CTNND2: variants seen among roughly 807,000 people sequenced by gnomAD.
CTNND2 encodes catenin delta-2.
Under a neutral mutation model 144.4 loss-of-function variants are expected in CTNND2, and 22 were observed. That is an observed-to-expected ratio of 0.15 (90% confidence interval 0.11 to 0.22). The LOEUF is 0.22. Ranked by LOEUF, CTNND2 falls within the 10% of genes least tolerant of loss-of-function variation. The pLI, the probability that CTNND2 is intolerant of heterozygous loss-of-function variation, is 1.00. For missense variants in CTNND2, 1,353 were observed against 1,618.8 expected, an observed-to-expected ratio of 0.84 and a Z score of 2.82; for synonymous variants, 751 against 695.6, an observed-to-expected ratio of 1.08 and a Z score of -1.25.
At chr5:11,883,231 T>C (rs956395721) in intron 1 of CTNND2, among the ~76,000 whole-genome samples, 1 of 152,184 alleles carries the variant, frequency 6.6e-6, no homozygotes, top group African/African-American at 2.4e-5. Flanking sequence ...GTGCAGAATG[T>C]GCAGGTTAGT....
chr5:11,748,212 A>C (rs1011823966), intron 1 of CTNND2, among the ~76,000 whole-genome samples: 5 of 152,256 alleles, frequency 3.3e-5, no homozygotes, highest in Middle Eastern at 3.4e-3. Flanking sequence ...ATAGAGCCAT[A>C]ATAATTTTAT....
At position 11,518,333 on chromosome 5, in the gene CTNND2, A is replaced by ATTTG. The variant is rs553466245; in HGVS notation, c.287+46607_287+46610dup. On this transcript the variant is annotated intron_variant, in intron 3 of 21. Coordinates refer to ENST00000304623, the MANE Select transcript of CTNND2 (RefSeq NM_001332.4). The stretch of plus-strand genomic sequence containing the variant: ...AGAAATATTTTTGTACAGCTGTACA[A>ATTTG]TTTGTGTTTTAAGCCAAGTGCTATT... Among the ~76,000 whole-genome samples the ATTTG allele has an allele frequency of 2.3e-3, 343 of 152,344 alleles. 2 individuals are homozygous for ATTTG. Among genetic ancestry groups the ATTTG allele is most frequent in the African/African-American group, 7.8e-3 (326 of 41,592 alleles).
chr5:11,218,837 A>G (rs1009317766), intron 10 of CTNND2, among the ~76,000 whole-genome samples: 2 of 152,088 alleles, frequency 1.3e-5, no homozygotes, highest in African/African-American at 2.4e-5. Flanking sequence ...TTCCCAGAAA[A>G]TCCATCTTGT....
chr5:11,363,905 C>T (rs546876481), intron 8 of CTNND2, among the ~76,000 whole-genome samples: 2 of 152,326 alleles, frequency 1.3e-5, no homozygotes, highest in East Asian at 3.9e-4. Flanking sequence ...GCTGTACTGT[C>T]TGCAGACCAG....
At chr5:11,654,989 T>C (rs1782836251) in intron 2 of CTNND2, among the ~76,000 whole-genome samples, 2 of 152,164 alleles carry the variant, frequency 1.3e-5, no homozygotes, top group Non-Finnish European at 2.9e-5. Flanking sequence ...AGATAAAAAA[T>C]TGTCAACGGT....
At chr5:11,110,300 C>G (rs1448987987) in intron 14 of CTNND2, among the ~76,000 whole-genome samples, 1 of 152,224 alleles carries the variant, frequency 6.6e-6, no homozygotes, top group Non-Finnish European at 1.5e-5. Flanking sequence ...CAACATTGTT[C>G]TGAATTCACC....
At chr5:11,112,433 G>A (rs1345020088) in intron 13 of CTNND2, among the ~76,000 whole-genome samples, 3 of 152,120 alleles carry the variant, frequency 2.0e-5, no homozygotes, top group Non-Finnish European at 4.4e-5. Flanking sequence ...AATAGGGAAG[G>A]GAACAAATTC....
At position 11,868,028 on chromosome 5, in the gene CTNND2, G is replaced by A. The variant is rs943934051; in HGVS notation, c.37+35789C>T. On this transcript the variant is annotated intron_variant, in intron 1 of 21. Coordinates refer to ENST00000304623, the MANE Select transcript of CTNND2 (RefSeq NM_001332.4). ...AGATAAACCCCTGATGGCGAAGCAG[G>A]GGCAGGATAGACAGAGTCCCCAGGT... Among the ~76,000 whole-genome samples the A allele has an allele frequency of 4.6e-5, 7 of 151,734 alleles. No homozygotes were observed. In the East Asian group the frequency reaches 1.2e-3, roughly 25 times the overall value.
intron 12 of CTNND2, among the ~76,000 whole-genome samples, chr5:11,130,829 A>G (rs1356087017): frequency 6.6e-6 from 1 of 151,888 alleles, no homozygotes; most frequent in African/African-American, 2.4e-5. Context: ...TATTCTACCA[A>G]CTCCCACAAT....
intron 3 of CTNND2, among the ~76,000 whole-genome samples, chr5:11,540,333 G>A (rs1470869574): frequency 1.3e-5 from 2 of 152,082 alleles, no homozygotes; most frequent in African/African-American, 4.8e-5. Flanking sequence ...TGTGAAGCAT[G>A]TGCCCTCCTG....
intron 16 of CTNND2, among the ~76,000 whole-genome samples, chr5:11,067,479 A>G (rs924660634): frequency 1.3e-5 from 2 of 152,232 alleles, no homozygotes; most frequent in African/African-American, 4.8e-5. Context: ...GCAAGAGGGA[A>G]TAACCAGATG....
intron 16 of CTNND2, among the ~76,000 whole-genome samples, chr5:11,062,288 A>G (rs1430402670): frequency 6.6e-6 from 1 of 152,220 alleles, no homozygotes; most frequent in African/African-American, 2.4e-5. Flanking sequence ...TGGCACTTCT[A>G]TTTTGAAAGC....
chr5:11,760,988 GTATT>G (rs1789229707), intron 1 of CTNND2, among the ~76,000 whole-genome samples: 1 of 152,114 alleles, frequency 6.6e-6, no homozygotes, highest in South Asian at 2.1e-4. Context: ...CATTGTATGA[GTATT>G]TGTTTTGCCT....
intron 11 of CTNND2, among the ~76,000 whole-genome samples, chr5:11,178,470 T>C (rs1282783478): frequency 6.6e-6 from 1 of 152,224 alleles, no homozygotes; most frequent in African/African-American, 2.4e-5. Context: ...CTTCCCCTAC[T>C]CTTAAGGAGC....
chr5:11,884,312 C>T (rs1384393059), intron 1 of CTNND2, among the ~76,000 whole-genome samples: 1 of 151,998 alleles, frequency 6.6e-6, no homozygotes, highest in Non-Finnish European at 1.5e-5. Flanking sequence ...GGTTTTAGGT[C>T]CTACGTTTCA....
intron 9 of CTNND2, among the ~76,000 whole-genome samples, chr5:11,250,491 C>CTCTCTATATATATATATATATATATA (rs869141186): frequency 3.1e-5 from 2 of 64,118 alleles, no homozygotes; most frequent in Non-Finnish European, 5.0e-5. Flanking sequence ...CTCTCTCTCT[C>CTCTCTATATATATATATATATATATA]TATATATATA....
intron 18 of CTNND2, among the ~76,000 whole-genome samples, chr5:10,998,970 A>C (rs1299656638): frequency 6.6e-6 from 1 of 152,192 alleles, no homozygotes; most frequent in Non-Finnish European, 1.5e-5. Context: ...CAGCTGCCAA[A>C]TGTCATGGAA....
intron 16 of CTNND2, among the ~76,000 whole-genome samples, chr5:11,032,086 CCTGA>C (rs1422242623): frequency 1.1e-4 from 17 of 152,234 alleles, no homozygotes; most frequent in African/African-American, 3.6e-4. Flanking sequence ...TCTGGAGAAT[CCTGA>C]CTAATAGACA....
intron 2 of CTNND2, among the ~76,000 whole-genome samples, chr5:11,700,775 GAA>G (rs764791343): frequency 2.6e-5 from 4 of 152,188 alleles, no homozygotes; most frequent in Non-Finnish European, 5.9e-5. Context: ...CTGAGGAAAA[GAA>G]GAGATAAGAC....
Sources: gnomAD v4.1 joint callset for allele counts (sites outside exome capture counted in the v4.1 genomes callset) on GRCh38, gnomAD v4.1.1 for gene constraint, MANE v1.5 for transcripts, NCBI Gene and HGNC (gene_info 2026-07-23, HGNC 2026-07-21) for gene names.